The following EBF2 variants were observed in gnomAD, a reference collection of about 807,000 sequenced individuals.
EBF2 encodes the protein transcription factor COE2.
Under a neutral mutation model 72.8 loss-of-function variants are expected in EBF2, and 21 were observed. The observed-to-expected ratio is 0.29, with a 90% CI of 0.20 to 0.42. The LOEUF is 0.42. EBF2 is among the 10% of genes least tolerant of loss of function. The pLI is 1.00. For synonymous variants in EBF2, 299 were observed against 274.2 expected, an observed-to-expected ratio of 1.09 and a Z score of -0.89; for missense variants, 637 against 731.2, an observed-to-expected ratio of 0.87 and a Z score of 1.49.
chr8:25,932,552 A>G (rs1379624625), intron 6 of EBF2, among the ~76,000 whole-genome samples: 1 of 152,182 alleles, frequency 6.6e-6, no homozygotes, highest in Non-Finnish European at 1.5e-5. Flanking sequence ...CCTCCTGCCT[A>G]CAAACAGAGA....
intron 14 of EBF2, among the ~76,000 whole-genome samples, chr8:25,855,133 G>C (rs1802062029): frequency 6.6e-6 from 1 of 152,190 alleles, no homozygotes; most frequent in Non-Finnish European, 1.5e-5. Context: ...GTCTGGCCCA[G>C]AAATCTCTGT....
chr8:25,860,795 G>T (rs998179609), intron 13 of EBF2, among the ~76,000 whole-genome samples: 2 of 152,154 alleles, frequency 1.3e-5, no homozygotes, highest in Non-Finnish European at 2.9e-5. Context: ...GGGATTACAG[G>T]TGTGAGCCAC....
At position 25,843,861 on chromosome 8, in the gene EBF2, TAGTA is replaced by T. The variant is rs765694552; in HGVS notation, c.*744_*747del. On this transcript the variant is annotated 3_prime_UTR_variant, in exon 16 of 16. Transcript: ENST00000520164. Reference sequence around the variant, plus strand: ...GGGTGCAGGACAGGGGATAAGAATCTAGTAAGTAACTGCAGTAATAATCACACAC... The same window carrying T: ...GGGTGCAGGACAGGGGATAAGAATCTAGTAACTGCAGTAATAATCACACAC... The T allele has an allele frequency of 8.5e-5, 13 of 152,274 alleles. No homozygotes were observed. The highest frequency in any genetic ancestry group is 2.6e-4 in the Admixed American group (4 of 15,284). The allele number at this position is 152,274 out of a possible 1,614,324, so 9.4% of individuals were successfully genotyped here.
chr8:26,030,343 G>A (rs1351511243), intron 6 of EBF2, among the ~76,000 whole-genome samples: 1 of 151,808 alleles, frequency 6.6e-6, no homozygotes, highest in Admixed American at 6.6e-5. Flanking sequence ...TGAGAATGAT[G>A]GTTTCCAGCT....
At chr8:26,023,359 A>G (rs2117246794) in intron 6 of EBF2, among the ~76,000 whole-genome samples, 1 of 152,236 alleles carries the variant, frequency 6.6e-6, no homozygotes, top group East Asian at 1.9e-4. Context: ...CTGCTCCTTG[A>G]CCCATCCACT....
At chr8:25,899,597 G>A (rs1463127318) in intron 7 of EBF2, among the ~76,000 whole-genome samples, 10 of 152,172 alleles carry the variant, frequency 6.6e-5, no homozygotes, top group Admixed American at 2.6e-4. Context: ...ATAGATGGTG[G>A]TGCCATTAAA....
At chr8:25,909,704 A>T (rs180929926) in intron 6 of EBF2, among the ~76,000 whole-genome samples, 77 of 152,312 alleles carry the variant, frequency 5.1e-4, no homozygotes, top group African/African-American at 1.8e-3. Context: ...AATCACACAA[A>T]AGAATTAGAT....
intron 6 of EBF2, among the ~76,000 whole-genome samples, chr8:26,009,154 G>A (rs1047395592): frequency 7.2e-6 from 1 of 138,866 alleles, no homozygotes; most frequent in Non-Finnish European, 1.5e-5. Context: ...GGGTGTTTGA[G>A]TTTGTCATAA....
chr8:25,879,963 T>C (rs1443343375), intron 10 of EBF2, among the ~76,000 whole-genome samples: 1 of 152,250 alleles, frequency 6.6e-6, no homozygotes, highest in East Asian at 1.9e-4. Context: ...CTTTTTATTA[T>C]AATAGGTTTC....
At chr8:26,031,801 T>C (rs561696478) in intron 6 of EBF2, 43 of 152,252 alleles carry the variant, frequency 2.8e-4, no homozygotes, top group African/African-American at 1.0e-3. Flanking sequence ...CACGGGCAAG[T>C]CATGCCACCG....
chr8:25,992,694 G>A (rs1199106745), intron 6 of EBF2, among the ~76,000 whole-genome samples: 1 of 152,024 alleles, frequency 6.6e-6, no homozygotes, highest in African/African-American at 2.4e-5. Flanking sequence ...CTTGAGCTCA[G>A]GAGTTCGAGA....
intron 6 of EBF2, among the ~76,000 whole-genome samples, chr8:25,941,518 C>T (rs531473358): frequency 2.6e-5 from 4 of 152,264 alleles, no homozygotes; most frequent in South Asian, 2.1e-4. Flanking sequence ...GCTCTCCCTC[C>T]TTTCTGCTCA....
intron 13 of EBF2, among the ~76,000 whole-genome samples, chr8:25,859,066 C>T (rs746468426): frequency 6.6e-5 from 10 of 152,102 alleles, no homozygotes; most frequent in East Asian, 3.9e-4. Context: ...CACCAAGGAG[C>T]GAATGGCTAA....
chr8:25,952,232 G>A lies in EBF2; in HGVS notation c.552-43677C>T, dbSNP rs555339782. ...GATCGCTTAAGCTCACGAGTTGGAGGCTAGAGTGATCCATGATTGGCCACT... is the reference window on the plus strand; with the variant it reads ...GATCGCTTAAGCTCACGAGTTGGAGACTAGAGTGATCCATGATTGGCCACT... On this transcript the variant is annotated intron_variant, in intron 6 of 15. Coordinates refer to ENST00000520164, the MANE Select transcript of EBF2 (RefSeq NM_022659.4). Among the ~76,000 whole-genome samples the A allele has an allele frequency of 7.3e-4, 111 of 152,290 alleles. 2 individuals carry two copies. The Middle Eastern group carries it at 0.017, about 23-fold the overall frequency.
At chr8:25,953,086 A>G (rs145274985) in intron 6 of EBF2, among the ~76,000 whole-genome samples, 82 of 152,350 alleles carry the variant, frequency 5.4e-4, no homozygotes, top group Admixed American at 1.3e-3. Context: ...TAAGACCAAT[A>G]GCTCTAACAC....
intron 6 of EBF2, among the ~76,000 whole-genome samples, chr8:25,932,434 C>T (rs937876528): frequency 6.6e-6 from 1 of 150,898 alleles, no homozygotes; most frequent in Admixed American, 6.6e-5. Flanking sequence ...CTGGAGCAGA[C>T]ATTAAATTGA....
At chr8:25,895,274 T>C (rs1041493404) in intron 7 of EBF2, among the ~76,000 whole-genome samples, 4 of 152,200 alleles carry the variant, frequency 2.6e-5, no homozygotes, top group Admixed American at 2.0e-4. Flanking sequence ...TTAACCCAAG[T>C]TTCTGAGAGA....
intron 6 of EBF2, among the ~76,000 whole-genome samples, chr8:25,946,574 TTACCCAAACC>T (rs1379859563): frequency 1.3e-5 from 2 of 152,198 alleles, no homozygotes; most frequent in African/African-American, 4.8e-5. Flanking sequence ...CTTATCTCCA[TTACCCAAACC>T]AGCTCCTACT....
chr8:25,853,466 G>A (rs1267300821), intron 14 of EBF2, among the ~76,000 whole-genome samples: 4 of 151,144 alleles, frequency 2.6e-5, no homozygotes, highest in Non-Finnish European at 4.4e-5. Flanking sequence ...TAATTAAAAC[G>A]GTAAAAAGAT....
Sources: allele counts gnomAD v4.1 joint callset (sites outside exome capture counted in the v4.1 genomes callset), GRCh38; gene constraint gnomAD v4.1.1; transcripts MANE v1.5; gene names NCBI Gene and HGNC (gene_info 2026-07-23, HGNC 2026-07-21).